HUNK: variants seen among roughly 807,000 people sequenced by gnomAD.
HUNK encodes the protein hormonally up-regulated neu tumor-associated kinase.
Under a neutral mutation model 61.0 loss-of-function variants are expected in HUNK, and 21 were observed. The ratio of observed to expected loss-of-function variants is 0.34; its 90% CI spans 0.24 to 0.50. HUNK has a LOEUF of 0.50. Among genes scored for constraint, HUNK ranks in the 20% least tolerant of loss-of-function variants. The pLI, the probability that HUNK is intolerant of heterozygous loss-of-function variation, is 0.98. For missense variants in HUNK, 772 were observed against 945.7 expected, an observed-to-expected ratio of 0.82 and a Z score of 2.41; for synonymous variants, 371 against 386.1, an observed-to-expected ratio of 0.96 and a Z score of 0.46.
intron 1 of HUNK, among the ~76,000 whole-genome samples, chr21:31,888,712 C>A (rs958285529): frequency 6.6e-6 from 1 of 151,788 alleles, no homozygotes. Flanking sequence ...TGTACTCCAG[C>A]CTGGGCAACA....
chr21:31,938,647 C>T (rs1386192801), intron 2 of HUNK, among the ~76,000 whole-genome samples: 1 of 152,156 alleles, frequency 6.6e-6, no homozygotes, highest in African/African-American at 2.4e-5. Flanking sequence ...GAAAAAGAAA[C>T]ATTTCTCTTG....
At chr21:31,991,447 G>C (rs964350137) in intron 9 of HUNK, among the ~76,000 whole-genome samples, 2 of 152,144 alleles carry the variant, frequency 1.3e-5, no homozygotes, top group Non-Finnish European at 2.9e-5. Flanking sequence ...TCAAACTCCT[G>C]ACCTCAAGTG....
rs545235574 is a variant in HUNK, at chr21:31,991,845, C to T, written c.1305+1669C>T. On this transcript the variant is annotated intron_variant, in intron 9 of 10. Transcript: ENST00000270112. ...ATTTCCCAGGCAGCCATCCATCCTC[C>T]GGCCTGGGGTGATGAGGATGCAAAG... is the stretch of plus-strand genomic sequence containing the variant. 2.0e-4 allele frequency among the ~76,000 whole-genome samples: 30 copies of T among 152,330 alleles called. No homozygotes were observed. In the South Asian group the frequency reaches 2.1e-3, roughly 11 times the overall value.
At chr21:31,878,088 GTC>G (rs756481675) in intron 1 of HUNK, among the ~76,000 whole-genome samples, 3 of 150,420 alleles carry the variant, frequency 2.0e-5, no homozygotes, top group Non-Finnish European at 4.4e-5. Flanking sequence ...GTGAAACCCT[GTC>G]TCTAATAAAA....
At chr21:31,985,512 G>A (rs968578499) in intron 8 of HUNK, among the ~76,000 whole-genome samples, 4 of 152,156 alleles carry the variant, frequency 2.6e-5, no homozygotes, top group East Asian at 1.9e-4. Context: ...ACTTGCCCCC[G>A]GCATAGAGGT....
At position 31,924,286 on chromosome 21, in the gene HUNK, T is replaced by TGTGTG. The variant is rs367852433; in HGVS notation, c.262-182_262-181insGTGTG. 0.04 allele frequency among the ~76,000 whole-genome samples: 5,514 copies of TGTGTG among 138,330 alleles called. 123 individuals carry two copies. Among genetic ancestry groups the TGTGTG allele is most frequent in the Middle Eastern group, 0.12 (34 of 272 alleles). The allele number at this position is 138,330 out of a possible 152,430, so 90.7% of individuals were successfully genotyped here. ...CCTATATGTGTGTGTGTGTGTGTGT[T>TGTGTG]TGTGTGGTATATGCATAAATATAAA... On this transcript the variant is annotated intron_variant, in intron 1 of 10. Transcript: ENST00000270112. This position sits in a 1 kb window ranked among gnomAD's most constrained non-coding sequence, Gnocchi z 5.1.
intron 1 of HUNK, among the ~76,000 whole-genome samples, chr21:31,885,227 G>A (rs533037839): frequency 2.6e-5 from 4 of 152,340 alleles, no homozygotes; most frequent in South Asian, 4.1e-4. Context: ...GAGCCATTAC[G>A]TAACTTGGAC....
At position 31,873,110 on chromosome 21, in the gene HUNK, T is replaced by C. The variant is rs1022380185; in HGVS notation, c.-565T>C. Among the ~76,000 whole-genome samples the C allele has an allele frequency of 1.3e-5, 2 of 152,086 alleles. No individual in the cohort carries two copies. The highest frequency in any genetic ancestry group is 4.8e-5 in the African/African-American group (2 of 41,434). ...GGATTAAATTTCTGCAAATTCAAAC[T>C]GAATGGGGCTTTCTTCTGCTGCCTT... On this transcript the variant is annotated 5_prime_UTR_variant, in exon 1 of 11. Coordinates refer to ENST00000270112, the MANE Select transcript of HUNK (RefSeq NM_014586.2). This position sits in a 1 kb window ranked among gnomAD's most constrained non-coding sequence, Gnocchi z 6.1.
chr21:31,979,083 TG>T (rs1568940049), intron 7 of HUNK, among the ~76,000 whole-genome samples: 1 of 151,274 alleles, frequency 6.6e-6, no homozygotes. Flanking sequence ...TGATTGGTGA[TG>T]TTGAGCATAC....
At chr21:31,898,549 G>A (rs1419459189) in intron 1 of HUNK, among the ~76,000 whole-genome samples, 1 of 152,176 alleles carries the variant, frequency 6.6e-6, no homozygotes, top group South Asian at 2.1e-4. Flanking sequence ...TTACAAGCAT[G>A]AGCCACCACG....
At chr21:31,895,202 A>G (rs1189096688) in intron 1 of HUNK, among the ~76,000 whole-genome samples, 2 of 152,142 alleles carry the variant, frequency 1.3e-5, no homozygotes, top group Non-Finnish European at 2.9e-5. Context: ...ATATGTAACA[A>G]TTAGGGTCTT....
chr21:31,976,459 CT>C (rs34950116), intron 7 of HUNK, among the ~76,000 whole-genome samples: 5,800 of 63,476 alleles, frequency 0.091, 32 homozygotes, highest in African/African-American at 0.11. Flanking sequence ...TTTTTTGAGA[CT>C]TTTTTTTTTT....
At chr21:31,904,500 C>T (rs751114487) in intron 1 of HUNK, among the ~76,000 whole-genome samples, 1 of 152,076 alleles carries the variant, frequency 6.6e-6, no homozygotes, top group Non-Finnish European at 1.5e-5. Flanking sequence ...AGCTTAAAAT[C>T]GTATTTAGAA....
intron 2 of HUNK, among the ~76,000 whole-genome samples, chr21:31,928,500 C>CT (rs2052676114): frequency 6.6e-6 from 1 of 152,302 alleles, no homozygotes; most frequent in South Asian, 2.1e-4. Flanking sequence ...GCTTTTTCTA[C>CT]TTTTGCCTCT....
chr21:31,962,997 T>C (rs1255765794), intron 5 of HUNK, among the ~76,000 whole-genome samples: 3 of 152,382 alleles, frequency 2.0e-5, no homozygotes, highest in South Asian at 2.1e-4. Context: ...ATCTGGTTCA[T>C]AGAGTGAATG....
rs535668491 is a variant in HUNK, at chr21:31,910,550, G to A, written c.262-13918G>A. 1.5e-4 allele frequency among the ~76,000 whole-genome samples: 22 copies of A among 150,152 alleles called. 1 individual carries two copies. In the South Asian group the frequency reaches 3.4e-3, roughly 23 times the overall value. On this transcript the variant is annotated intron_variant, in intron 1 of 10. Coordinates refer to ENST00000270112, the MANE Select transcript of HUNK (RefSeq NM_014586.2). ...ATCACTCAGGCTGGAGTACAATGGC[G>A]CGATCTCGGCTCACCGCAACCTCTG...
At chr21:31,880,901 C>G (rs979076128) in intron 1 of HUNK, among the ~76,000 whole-genome samples, 1 of 152,196 alleles carries the variant, frequency 6.6e-6, no homozygotes, top group Non-Finnish European at 1.5e-5. Context: ...GCTCCAATAC[C>G]GCTCTCAGCC....
chr21:31,986,213 C>T (rs1461865776), intron 8 of HUNK, among the ~76,000 whole-genome samples: 1 of 152,070 alleles, frequency 6.6e-6, no homozygotes. Flanking sequence ...CGCCGCCCTC[C>T]GCCCTCCACC....
chr21:31,938,435 C>T (rs573056902), intron 2 of HUNK, among the ~76,000 whole-genome samples: 1 of 152,344 alleles, frequency 6.6e-6, no homozygotes, highest in African/African-American at 2.4e-5. Flanking sequence ...CCTCTGGCTT[C>T]TTCTGTAGAA....
Sources: allele counts gnomAD v4.1 joint callset (sites outside exome capture counted in the v4.1 genomes callset), GRCh38; gene constraint gnomAD v4.1.1; non-coding constraint Gnocchi (gnomAD v3.1); transcripts MANE v1.5; gene names NCBI Gene and HGNC (gene_info 2026-07-23, HGNC 2026-07-21).